NKX6-1: variants seen among roughly 807,000 people sequenced by gnomAD.
NKX6-1 encodes the protein homeobox protein Nkx-6.1.
A neutral mutation model predicts 24.9 loss-of-function variants in NKX6-1; 11 were observed. That is an observed-to-expected ratio of 0.44 (90% confidence interval 0.28 to 0.73). NKX6-1 has a LOEUF of 0.73. Among genes scored for constraint, NKX6-1 ranks in the 30% least tolerant of loss-of-function variants. NKX6-1 has a pLI of 0.15. For missense variants in NKX6-1, 487 were observed against 502.9 expected (o/e 0.97, Z 0.30); for synonymous variants, 277 against 242.9 (o/e 1.14, Z -1.31).
In NKX6-1 at chr4:84,498,435, GA is replaced by G. The variant is rs1720875787; in HGVS notation, c.-208del. ...AGAGATGTCCAAACCCTCCACGCGG[GA>G]GGCGGCAGCTCGCCGAGAAAAGCAG... is the stretch of plus-strand genomic sequence containing the variant. On this transcript the variant is annotated 5_prime_UTR_variant, in exon 1 of 3. Transcript: ENST00000295886. The G allele has an allele frequency of 2.1e-6, 1 of 467,260 alleles. No individual in the cohort carries two copies. The allele number at this position is 467,260 out of a possible 1,614,324, so 28.9% of individuals were successfully genotyped here.
At chr4:84,496,575 A>G (rs1254280376) in intron 1 of NKX6-1, 1 of 152,222 alleles carries the variant, frequency 6.6e-6, no homozygotes, top group Non-Finnish European at 1.5e-5. Flanking sequence ...GAAACTTCGG[A>G]GACTCGCTGA....
At position 84,492,629 on chromosome 4, in the gene NKX6-1, G is replaced by A. The variant is rs1720746294; in HGVS notation, c.*660C>T. ...TTAAGTTCAAAATAAAAGGGAAGGTGTGGCTTGAGTCGCTCTTCAAAGGGG... is the reference window on the plus strand; with the variant it reads ...TTAAGTTCAAAATAAAAGGGAAGGTATGGCTTGAGTCGCTCTTCAAAGGGG... On this transcript the variant is annotated 3_prime_UTR_variant, in exon 3 of 3. Coordinates refer to ENST00000295886, the MANE Select transcript of NKX6-1 (RefSeq NM_006168.3). 6.6e-6 allele frequency: 1 copy of A among 152,216 alleles called. No homozygotes were observed. The highest frequency in any genetic ancestry group is 6.5e-5 in the Admixed American group (1 of 15,290). The allele number at this position is 152,216 out of a possible 1,614,324, so 9.4% of individuals were successfully genotyped here.
rs1312081005 is a variant in NKX6-1 at position 84,498,316 on chromosome 4, G to A, written c.-88C>T. On this transcript the variant is annotated 5_prime_UTR_variant, in exon 1 of 3. Transcript: ENST00000295886. ...GCTCAGAGGAGCCGGAAGCGCCGAG[G>A]GCGCGAGCGGAGAGGCACTCGGCGC... is the stretch of plus-strand genomic sequence containing the variant. 2.4e-6 allele frequency: 3 copies of A among 1,253,876 alleles called. No individual in the cohort carries two copies. The highest frequency in any genetic ancestry group is 1.5e-5 in the African/African-American group (1 of 64,998). 77.7% of individuals were successfully genotyped at this position (1,253,876 alleles called of 1,614,324 possible). A position where few individuals can be genotyped will look rare whatever the true frequency, so the allele number is the denominator to read the frequency against.
chr4:84,498,759 C>A lies in NKX6-1; in HGVS notation c.-531G>T, dbSNP rs554346603. Among the ~76,000 whole-genome samples, 1 of 152,324 alleles carries A rather than the reference C, an allele frequency of 6.6e-6. No individual in the cohort carries two copies. Among genetic ancestry groups the A allele is most frequent in the Admixed American group, 6.5e-5 (1 of 15,310 alleles). ...ATCTTACTGGGATGCTCTGCTCTTTCGGTCGCGCGGCTGATTCGCATTCGA... is the reference window on the plus strand; with the variant it reads ...ATCTTACTGGGATGCTCTGCTCTTTAGGTCGCGCGGCTGATTCGCATTCGA... On this transcript the variant is annotated 5_prime_UTR_variant, in exon 1 of 3. It introduces an in-frame stop codon into an upstream open reading frame of the 5' UTR. Coordinates refer to ENST00000295886, the MANE Select transcript of NKX6-1 (RefSeq NM_006168.3).
rs1720878454 is a variant in NKX6-1, at chr4:84,498,554, A to C, written c.-326T>G. Reference sequence around the variant, plus strand: ...TTCCTCACTTTTCCTAGCTGTTCAAAGTGCGCTACTTCTCATCTTCTGCCC... The same window carrying C: ...TTCCTCACTTTTCCTAGCTGTTCAACGTGCGCTACTTCTCATCTTCTGCCC... On this transcript the variant is annotated 5_prime_UTR_variant, in exon 1 of 3. Transcript: ENST00000295886. 3 of 312,642 alleles carry C rather than the reference A, an allele frequency of 9.6e-6. No individual in the cohort carries two copies. The highest frequency in any genetic ancestry group is 1.7e-5 in the Non-Finnish European group (3 of 171,578). 19.4% of individuals were successfully genotyped at this position (312,642 alleles called of 1,614,324 possible). A position where few individuals can be genotyped will look rare whatever the true frequency, so the allele number is the denominator to read the frequency against.
rs1470612091 is a variant in NKX6-1, at chr4:84,493,445, G to C, written c.948C>G (p.Ala316=). The C allele has an allele frequency of 3.1e-6, 5 of 1,614,132 alleles. No homozygotes were observed. In the Admixed American group the frequency reaches 8.3e-5, roughly 27 times the overall value. Residue 316 remains alanine (A), a synonymous_variant, in exon 3 of 3, where the codon GCC becomes GCG. Coordinates refer to ENST00000295886, the MANE Select transcript of NKX6-1 (RefSeq NM_006168.3). This position sits in a 1 kb window ranked among gnomAD's most constrained non-coding sequence, Gnocchi z 5.1. ...CGTCGTCCTCTTCCTCGTTCTCCGAGGCCCCCTTGAGGCGCTCTGTCTCCG... is the reference window on the plus strand; with the variant it reads ...CGTCGTCCTCTTCCTCGTTCTCCGACGCCCCCTTGAGGCGCTCTGTCTCCG... ...QDSETERLKG[A]SENEEEDDDY... is the part of the protein sequence containing the mutation.
chr4:84,495,584 GGTGTGTGTGT>G (rs10549802), intron 2 of NKX6-1, 78 bp downstream of exon 2: 5 of 960,358 alleles, frequency 5.2e-6, no homozygotes, highest in Non-Finnish European at 6.2e-6. Context: ...GTTAGTTTGG[GGTGTGTGTGT>G]GTGTGTGTGT....
Position 84,493,663 on chromosome 4 carries a change from GC to G in NKX6-1, c.844-115del. On this transcript the variant is annotated intron_variant, in intron 2 of 2. Coordinates refer to ENST00000295886, the MANE Select transcript of NKX6-1 (RefSeq NM_006168.3). This position sits in a 1 kb window ranked among gnomAD's most constrained non-coding sequence, Gnocchi z 5.1. ...ATGGCCCTCCCGCGGCCCCCCGAAGGCCTGCTGCCCTCCCTCGCAGCCCTCC... is the reference window on the plus strand; with the variant it reads ...ATGGCCCTCCCGCGGCCCCCCGAAGGCTGCTGCCCTCCCTCGCAGCCCTCC... 7.6e-7 allele frequency: 1 copy of G among 1,322,642 alleles called. No homozygotes were observed. The highest frequency in any genetic ancestry group is 1.0e-6 in the Non-Finnish European group (1 of 961,812). 81.9% of individuals were successfully genotyped at this position (1,322,642 alleles called of 1,614,324 possible).
Position 84,495,730 on chromosome 4 carries a change from G to A in NKX6-1, c.785C>T (p.Ala262Val), listed in dbSNP as rs1720805831. 2 of 1,613,272 alleles carry A rather than the reference G, an allele frequency of 1.2e-6. No individual in the cohort carries two copies. The highest frequency in any genetic ancestry group is 1.3e-5 in the African/African-American group (1 of 74,896). Residue 262 changes from alanine (A) to valine (V), a missense_variant, in exon 2 of 3, where the codon GCG becomes GTG. Coordinates refer to ENST00000295886, the MANE Select transcript of NKX6-1 (RefSeq NM_006168.3). The part of the protein sequence containing the change: ...EKTFEQTKYL[A>V]GPERARLAYS... ...GGCCAAACGAGCCCTCTCGGGCCCC[G>A]CCAAGTATTTTGTTTGTTCGAAAGT...
Position 84,493,470 on chromosome 4 carries a change from G to A in NKX6-1, c.923C>T (p.Ser308Leu), listed in dbSNP as rs1720765752. 6.2e-7 allele frequency: 1 copy of A among 1,614,256 alleles called. No homozygotes were observed. The highest frequency in any genetic ancestry group is 8.5e-7 in the Non-Finnish European group (1 of 1,180,056). ...GGCCCCCTTGAGGCGCTCTGTCTCCGAGTCCTGCTTCTTCTTGGCCGTGGC... is the reference window on the plus strand; with the variant it reads ...GGCCCCCTTGAGGCGCTCTGTCTCCAAGTCCTGCTTCTTCTTGGCCGTGGC... The part of the protein sequence containing the change: ...EMATAKKKQD[S>L]ETERLKGASE... Residue 308 changes from serine to leucine, a missense_variant, in exon 3 of 3, where the codon TCG (serine) becomes TTG (leucine). Physicochemically the swap from Ser to Leu is moderately radical, Grantham distance 145. Transcript: ENST00000295886. The surrounding 1 kb of genome is among the most constrained non-coding windows in gnomAD (Gnocchi z 5.1).
rs1720849541 is a variant in NKX6-1, at chr4:84,497,772, G to C, written c.457C>G (p.Pro153Ala). The C allele has an allele frequency of 4.7e-6, 6 of 1,277,024 alleles. No individual in the cohort carries two copies. The East Asian group carries it at 1.9e-4, about 40-fold the overall frequency. The allele number at this position is 1,277,024 out of a possible 1,614,324, so 79.1% of individuals were successfully genotyped here. ...AAAAAAAASSPAGLLAGLPRF... is the reference protein window; with the variant it reads ...AAAAAAAASSAAGLLAGLPRF... ...GGCAGTCCGGCCAGCAGCCCCGCCG[G>C]GGATGAGGCGGCGGCTGCGGCCGCG... The change falls in exon 1 of 3, where the codon CCG (proline) becomes GCG (alanine). Residue 153 changes from proline (P) to alanine (A), a missense_variant. Around this residue, in one of 3 missense-constraint regions of NKX6-1, gnomAD observed 316 missense variants for 311.4 expected, o/e 1.01. Coordinates refer to ENST00000295886, the MANE Select transcript of NKX6-1 (RefSeq NM_006168.3). The surrounding 1 kb of genome is among the most constrained non-coding windows in gnomAD (Gnocchi z 4.8).
At position 84,493,490 on chromosome 4, in the gene NKX6-1, C is replaced by G; in HGVS notation, c.903G>C (p.Thr301=). The change falls in exon 3 of 3, where the codon ACG becomes ACC. Residue 301 remains threonine (T), a synonymous_variant. Transcript: ENST00000295886. This position sits in a 1 kb window ranked among gnomAD's most constrained non-coding sequence, Gnocchi z 5.1. The part of the protein sequence containing the change: ...WRKKHAAEMA[T]AKKKQDSETE... ...TCTCCGAGTCCTGCTTCTTCTTGGC[C>G]GTGGCCATCTCGGCAGCGTGCTTCT... 5 of 1,614,252 alleles carry G rather than the reference C, an allele frequency of 3.1e-6. No homozygotes were observed. Among genetic ancestry groups the G allele is most frequent in the East Asian group, 2.2e-5 (1 of 44,882 alleles).
Position 84,498,164 on chromosome 4 carries a change from AG to A in NKX6-1, c.64del (p.Leu22TrpfsTer10). On this transcript the variant is annotated frameshift_variant, in exon 1 of 3. Transcript: ENST00000295886. LOFTEE classifies it high-confidence loss of function. The part of the protein sequence containing the change: ...QSAFLLSSPP[L>X]AALHSMAEMK... ...CTCGGCCATGCTGTGCAGGGCGGCC[AG>A]GGGAGGGCTGCTGAGCAGGAATGCG... 3 of 1,297,002 alleles carry A rather than the reference AG, an allele frequency of 2.3e-6. No homozygotes were observed. The highest frequency in any genetic ancestry group is 3.2e-5 in the South Asian group (1 of 31,508). The allele number at this position is 1,297,002 out of a possible 1,614,324, so 80.3% of individuals were successfully genotyped here. A position where few individuals can be genotyped will look rare whatever the true frequency, so the allele number is the denominator to read the frequency against.
intron 2 of NKX6-1, among the ~76,000 whole-genome samples, chr4:84,494,638 C>T (rs574362945): frequency 1.1e-4 from 17 of 152,234 alleles, no homozygotes; most frequent in Admixed American, 2.0e-4. Flanking sequence ...AGGCTCTGTA[C>T]CAACCTACTG....
chr4:84,494,399 T>G (rs1578467785), intron 2 of NKX6-1, among the ~76,000 whole-genome samples: 1 of 152,202 alleles, frequency 6.6e-6, no homozygotes, highest in South Asian at 2.1e-4. Context: ...TTAAGCTTAT[T>G]CATGATGTTT....
chr4:84,497,170 G>GCCTCTCCTCC lies in NKX6-1; in HGVS notation c.670+379_670+388dup, dbSNP rs1025383926. The stretch of plus-strand genomic sequence containing the variant: ...GAGCCGGGAAAGCAGAGATGCAGTG[G>GCCTCTCCTCC]CCTCTCCTCCCCTCTCCTCCCCATC... On this transcript the variant is annotated intron_variant, in intron 1 of 2. Transcript: ENST00000295886. This position sits in a 1 kb window ranked among gnomAD's most constrained non-coding sequence, Gnocchi z 4.8. 9.9e-5 allele frequency among the ~76,000 whole-genome samples: 15 copies of GCCTCTCCTCC among 152,198 alleles called. No homozygotes were observed. Among genetic ancestry groups the GCCTCTCCTCC allele is most frequent in the African/African-American group, 3.1e-4 (13 of 41,544 alleles).
chr4:84,495,575 T>G, intron 2 of NKX6-1, 97 bp downstream of exon 2: 4 of 1,070,658 alleles, frequency 3.7e-6, no homozygotes, highest in Non-Finnish European at 5.4e-6. Flanking sequence ...CGACTGTTTG[T>G]TAGTTTGGGG....
chr4:84,493,607 A>G lies in NKX6-1; in HGVS notation c.844-58T>C, dbSNP rs1578467479. 11 of 1,590,668 alleles carry G rather than the reference A, an allele frequency of 6.9e-6. No homozygotes were observed. The East Asian group carries it at 2.0e-4, about 29-fold the overall frequency. ...CAAGGGCGAGGAATTAAACGAGCAGATCCAGGCCATGCTACCACTCCCGCA... is the reference window on the plus strand; with the variant it reads ...CAAGGGCGAGGAATTAAACGAGCAGGTCCAGGCCATGCTACCACTCCCGCA... On this transcript the variant is annotated intron_variant, in intron 2 of 2. Coordinates refer to ENST00000295886, the MANE Select transcript of NKX6-1 (RefSeq NM_006168.3). This position sits in a 1 kb window ranked among gnomAD's most constrained non-coding sequence, Gnocchi z 5.1.
In NKX6-1 at chr4:84,492,358, T is replaced by C. The variant is rs527411837; in HGVS notation, c.*931A>G. The C allele has an allele frequency of 1.3e-5, 2 of 151,896 alleles. No homozygotes were observed. The highest frequency in any genetic ancestry group is 2.9e-5 in the Non-Finnish European group (2 of 68,004). The allele number at this position is 151,896 out of a possible 1,614,324, so 9.4% of individuals were successfully genotyped here. A position where few individuals can be genotyped will look rare whatever the true frequency, so the allele number is the denominator to read the frequency against. On this transcript the variant is annotated 3_prime_UTR_variant, in exon 3 of 3. Transcript: ENST00000295886. Reference sequence around the variant, plus strand: ...ATATTTTCTTTAAATCACTAATAAATAGCAACAAACGACTGTGCAATTTCA... The same window carrying C: ...ATATTTTCTTTAAATCACTAATAAACAGCAACAAACGACTGTGCAATTTCA...
Sources: allele counts gnomAD v4.1 joint callset (sites outside exome capture counted in the v4.1 genomes callset), GRCh38; gene constraint gnomAD v4.1.1; regional missense constraint gnomAD v4.1.1; non-coding constraint Gnocchi (gnomAD v3.1); transcripts MANE v1.5; gene names NCBI Gene and HGNC (gene_info 2026-07-23, HGNC 2026-07-21).